The following RASGEF1B variants were observed in gnomAD, a reference collection of about 807,000 sequenced individuals.
The protein encoded by RASGEF1B is ras-GEF domain-containing family member 1B.
RASGEF1B carries 30 observed loss-of-function variants against 65.7 expected under a neutral mutation model. That is an observed-to-expected ratio of 0.46 (90% CI 0.34 to 0.62). The LOEUF (loss-of-function observed/expected upper bound fraction) is 0.62. Among genes scored for constraint, RASGEF1B ranks in the 20% least tolerant of loss-of-function variants. RASGEF1B has a pLI of 0.01. For missense variants in RASGEF1B, 495 were observed against 580.1 expected (o/e 0.85, Z 1.51); for synonymous variants, 175 against 194.8 (o/e 0.90, Z 0.85).
In RASGEF1B at chr4:81,442,238, G is replaced by A; in HGVS notation, c.1008+59C>T. The A allele has an allele frequency of 3.6e-6, 4 of 1,117,872 alleles. No homozygotes were observed. In the Admixed American group the frequency reaches 6.8e-5, roughly 19 times the overall value. The allele number at this position is 1,117,872 out of a possible 1,614,324, so 69.2% of individuals were successfully genotyped here. ...TGATGGAGAGGCAAGACCACATAAA[G>A]GAATTCCACTTTCCAGGTGTAAAGT... On this transcript the variant is annotated intron_variant, in intron 9 of 13. Coordinates refer to ENST00000264400, the MANE Select transcript of RASGEF1B (RefSeq NM_152545.3).
chr4:81,470,193 T>C (rs1008216356), intron 1 of RASGEF1B, among the ~76,000 whole-genome samples: 1 of 152,214 alleles, frequency 6.6e-6, no homozygotes, highest in Non-Finnish European at 1.5e-5. Flanking sequence ...TTTTCTGTTA[T>C]GAAAACCTCA....
rs117453763 is a variant in RASGEF1B, at chr4:81,434,046, G to T, written c.1201-83C>A. Reference sequence around the variant, plus strand: ...TGGGAGAGGCAATACCATTTGAAATGATTCCTTCTTATTTTATTAAGGAGA... The same window carrying T: ...TGGGAGAGGCAATACCATTTGAAATTATTCCTTCTTATTTTATTAAGGAGA... On this transcript the variant is annotated intron_variant, in intron 11 of 13. Coordinates refer to ENST00000264400, the MANE Select transcript of RASGEF1B (RefSeq NM_152545.3). 7.6e-6 allele frequency: 9 copies of T among 1,183,270 alleles called. No homozygotes were observed. The East Asian group carries it at 1.7e-4, about 22-fold the overall frequency. 73.3% of individuals were successfully genotyped at this position (1,183,270 alleles called of 1,614,324 possible).
chr4:81,429,435 C>T (rs191211651), intron 13 of RASGEF1B, among the ~76,000 whole-genome samples: 10 of 152,232 alleles, frequency 6.6e-5, no homozygotes, highest in Admixed American at 5.9e-4. Context: ...AGCACGGTCC[C>T]TTTAAATGAT....
Position 81,433,821 on chromosome 4 carries a change from TC to T in RASGEF1B, c.1324+18del. The T allele has an allele frequency of 6.2e-7, 1 of 1,611,582 alleles. No individual in the cohort carries two copies. Among genetic ancestry groups the T allele is most frequent in the Non-Finnish European group, 8.5e-7 (1 of 1,179,110 alleles). On this transcript the variant is annotated intron_variant, in intron 12 of 13. Transcript: ENST00000264400. ...AGGATTTGGGGATGCTAGTGGTAGC[TC>T]CTATTGAATGGCCTTACCATCTTCA...
rs2109959692 is a variant in RASGEF1B at position 81,427,219 on chromosome 4, A to C, written c.*549T>G. On this transcript the variant is annotated 3_prime_UTR_variant, in exon 14 of 14. Transcript: ENST00000264400. Reference sequence around the variant, plus strand: ...AACACAGCACATACTAAGGGGAAACAAAGTCTGCAGTCAGCTTCCAACCAG... The same window carrying C: ...AACACAGCACATACTAAGGGGAAACCAAGTCTGCAGTCAGCTTCCAACCAG... The C allele has an allele frequency of 6.5e-6, 1 of 153,074 alleles. No individual in the cohort carries two copies. The highest frequency in any genetic ancestry group is 1.9e-4 in the East Asian group (1 of 5,192). The allele number at this position is 153,074 out of a possible 1,614,324, so 9.5% of individuals were successfully genotyped here. A position where few individuals can be genotyped will look rare whatever the true frequency, so the allele number is the denominator to read the frequency against.
In RASGEF1B at chr4:81,445,737, C is replaced by T. The variant is rs199999876; in HGVS notation, c.825+6G>A. Reference sequence around the variant, plus strand: ...GAACTAGGAGACAGAAAATTCATTTCCTCACCATACAGATTTCTGTAGCAA... The same window carrying T: ...GAACTAGGAGACAGAAAATTCATTTTCTCACCATACAGATTTCTGTAGCAA... On this transcript the variant is annotated splice_donor_region_variant and intron_variant, in intron 7 of 13. Coordinates refer to ENST00000264400, the MANE Select transcript of RASGEF1B (RefSeq NM_152545.3). 1 of 1,610,884 alleles carries T rather than the reference C, an allele frequency of 6.2e-7. No homozygotes were observed. Among genetic ancestry groups the T allele is most frequent in the Non-Finnish European group, 8.5e-7 (1 of 1,177,368 alleles).
intron 1 of RASGEF1B, among the ~76,000 whole-genome samples, chr4:81,461,303 C>A (rs998377942): frequency 6.6e-6 from 1 of 152,162 alleles, no homozygotes; most frequent in Non-Finnish European, 1.5e-5. Flanking sequence ...CCTAAAAGTT[C>A]CTTCAGATAA....
intron 1 of RASGEF1B, among the ~76,000 whole-genome samples, chr4:81,466,029 T>C (rs1722791568): frequency 6.6e-6 from 1 of 152,232 alleles, no homozygotes. Context: ...TTTTAGCTTC[T>C]GTTCAAATGT....
chr4:81,448,043 A>G (rs1394007197), intron 5 of RASGEF1B, 26 bp downstream of exon 5: 4 of 1,593,256 alleles, frequency 2.5e-6, no homozygotes, highest in Middle Eastern at 3.3e-4. Context: ...TGTGGTTGTA[A>G]AGGGCAATGA....
chr4:81,451,152 C>T (rs1387882137), intron 4 of RASGEF1B: 10 of 152,116 alleles, frequency 6.6e-5, no homozygotes, highest in African/African-American at 1.9e-4. Flanking sequence ...TCAGTAAAGC[C>T]TGTTTACAAG....
chr4:81,466,239 T>C (rs1428662451), intron 1 of RASGEF1B, among the ~76,000 whole-genome samples: 1 of 152,182 alleles, frequency 6.6e-6, no homozygotes, highest in Non-Finnish European at 1.5e-5. Flanking sequence ...AACTTGTTTC[T>C]TCCTTTTCTC....
chr4:81,448,084 C>A lies in RASGEF1B; in HGVS notation c.639G>T (p.Leu213=), dbSNP rs1434441693. 1 of 1,614,034 alleles carries A rather than the reference C, an allele frequency of 6.2e-7. No homozygotes were observed. The highest frequency in any genetic ancestry group is 1.3e-5 in the African/African-American group (1 of 75,042). Reference sequence around the variant, plus strand: ...ACGGCCTTACCAGCTCTATATGAGTCAGCTGCTGGGCCAACGTGTAAGGGT... The same window carrying A: ...ACGGCCTTACCAGCTCTATATGAGTAAGCTGCTGGGCCAACGTGTAAGGGT... ...CNDPYTLAQQ[L]THIELERLNY... is the part of the protein sequence containing the mutation. Residue 213 remains leucine (L), a synonymous_variant, in exon 5 of 14, where the codon CTG becomes CTT. Coordinates refer to ENST00000264400, the MANE Select transcript of RASGEF1B (RefSeq NM_152545.3).
intron 10 of RASGEF1B, among the ~76,000 whole-genome samples, chr4:81,437,483 T>A (rs1028026784): frequency 3.3e-5 from 5 of 152,308 alleles, no homozygotes; most frequent in East Asian, 1.9e-4. Context: ...TAGCAGCTTT[T>A]AAAAAAATAA....
At chr4:81,447,907 T>C (rs1322950250) in intron 5 of RASGEF1B, among the ~76,000 whole-genome samples, 162 bp downstream of exon 5, 5 of 152,212 alleles carry the variant, frequency 3.3e-5, no homozygotes, top group African/African-American at 4.8e-5. Flanking sequence ...GAAGCATTCA[T>C]ATTCAAATCC....
intron 13 of RASGEF1B, among the ~76,000 whole-genome samples, chr4:81,431,767 CCTATT>C (rs1463615948): frequency 3.9e-5 from 6 of 151,982 alleles, no homozygotes; most frequent in Admixed American, 1.3e-4. Context: ...CAAATTTAAC[CCTATT>C]CTAGTTTTCT....
chr4:81,456,966 C>T (rs752256242), intron 3 of RASGEF1B, among the ~76,000 whole-genome samples, 178 bp from the exon 4 acceptor site: 42 of 152,212 alleles, frequency 2.8e-4, no homozygotes, highest in Middle Eastern at 3.4e-3. Flanking sequence ...AAGGCAGGAC[C>T]TAGGGATTCT....
At chr4:81,430,172 G>A (rs1310896002) in intron 13 of RASGEF1B, among the ~76,000 whole-genome samples, 2 of 152,156 alleles carry the variant, frequency 1.3e-5, no homozygotes, top group East Asian at 3.9e-4. Flanking sequence ...GTGGTGGCGG[G>A]CGCCTGTAGT....
intron 1 of RASGEF1B, among the ~76,000 whole-genome samples, chr4:81,460,391 C>A (rs931466002): frequency 2.6e-5 from 4 of 152,194 alleles, no homozygotes; most frequent in Admixed American, 2.6e-4. Context: ...GGCACCACGT[C>A]TGCACAATGG....
chr4:81,443,220 G>A (rs888272525), intron 8 of RASGEF1B, among the ~76,000 whole-genome samples: 8 of 152,192 alleles, frequency 5.3e-5, no homozygotes, highest in African/African-American at 1.2e-4. Context: ...AAATGAGTAC[G>A]TATATTAATT....
Sources: allele counts gnomAD v4.1 joint callset (sites outside exome capture counted in the v4.1 genomes callset), GRCh38; gene constraint gnomAD v4.1.1; transcripts MANE v1.5; gene names NCBI Gene and HGNC (gene_info 2026-07-23, HGNC 2026-07-21).